EBF1: variants seen among roughly 807,000 people sequenced by gnomAD.
EBF1 encodes transcription factor COE1.
EBF1 carries 10 observed loss-of-function variants against 68.4 expected under a neutral mutation model. The observed-to-expected ratio is 0.15, with a 90% CI of 0.09 to 0.25. EBF1 has a LOEUF of 0.25. Ranked by LOEUF, EBF1 falls within the 10% of genes least tolerant of loss-of-function variation. The probability of loss-of-function intolerance (pLI) is 1.00; values close to 1 mark genes in which losing one functional copy is unlikely to be tolerated. For missense variants in EBF1, 509 were observed against 794.4 expected, an observed-to-expected ratio of 0.64 and a Z score of 4.32; for synonymous variants, 298 against 299.8, an observed-to-expected ratio of 0.99 and a Z score of 0.06.
intron 6 of EBF1, among the ~76,000 whole-genome samples, chr5:159,046,791 T>C (rs1266814263): frequency 6.6e-6 from 1 of 152,156 alleles, no homozygotes; most frequent in Non-Finnish European, 1.5e-5. Flanking sequence ...CTGAGTAAAG[T>C]GGGTGGAGGG....
chr5:158,938,944 CTA>C (rs1240904228), intron 6 of EBF1, among the ~76,000 whole-genome samples: 2 of 152,184 alleles, frequency 1.3e-5, no homozygotes, highest in African/African-American at 2.4e-5. Context: ...CAAGAGACAT[CTA>C]TGACATCCTG....
chr5:158,857,481 A>G (rs184378571), intron 6 of EBF1, among the ~76,000 whole-genome samples: 8 of 152,136 alleles, frequency 5.3e-5, no homozygotes, highest in Admixed American at 5.2e-4. Context: ...ACCAAATTTC[A>G]CTCACATTCC....
chr5:159,077,111 C>T (rs1163693551), intron 5 of EBF1, among the ~76,000 whole-genome samples: 1 of 152,186 alleles, frequency 6.6e-6, no homozygotes, highest in Non-Finnish European at 1.5e-5. Flanking sequence ...TCACTTCATT[C>T]AAGTCTCTGC....
intron 4 of EBF1, among the ~76,000 whole-genome samples, chr5:159,086,874 T>A (rs1369379202): frequency 6.6e-6 from 1 of 152,148 alleles, no homozygotes; most frequent in African/African-American, 2.4e-5. Context: ...TTTGCTGTAT[T>A]CTTAAAAGAC....
intron 6 of EBF1, among the ~76,000 whole-genome samples, chr5:159,062,231 CCA>C (rs1299878621): frequency 2.6e-5 from 4 of 152,192 alleles, no homozygotes; most frequent in Non-Finnish European, 5.9e-5. Flanking sequence ...CCCCCTAAAG[CCA>C]CAAAGATGCA....
At chr5:158,892,584 TCAAAACTTCGTTTCATGCA>T (rs1052480715) in intron 6 of EBF1, among the ~76,000 whole-genome samples, 4 of 152,202 alleles carry the variant, frequency 2.6e-5, no homozygotes, top group Non-Finnish European at 4.4e-5. Context: ...GGGGTCGCAG[TCAAAACTTCGTTTCATGCA>T]CAAAATTATC....
intron 6 of EBF1, among the ~76,000 whole-genome samples, chr5:158,989,194 G>C (rs1254226279): frequency 6.6e-6 from 1 of 152,208 alleles, no homozygotes; most frequent in South Asian, 2.1e-4. Flanking sequence ...GACAGCGACA[G>C]TCTGTACCTC....
At chr5:158,925,404 G>T (rs538256027) in intron 6 of EBF1, among the ~76,000 whole-genome samples, 2 of 152,288 alleles carry the variant, frequency 1.3e-5, no homozygotes, top group Admixed American at 6.5e-5. Context: ...AATGAATGGT[G>T]CATAACTGGA....
chr5:158,849,834 G>C (rs1323717540), intron 6 of EBF1, among the ~76,000 whole-genome samples: 1 of 152,144 alleles, frequency 6.6e-6, no homozygotes, highest in Non-Finnish European at 1.5e-5. Flanking sequence ...ATATCATTCA[G>C]CACAGAACCT....
intron 6 of EBF1, among the ~76,000 whole-genome samples, chr5:158,875,046 C>CACACACACAT (rs1169727482): frequency 8.2e-6 from 1 of 122,440 alleles, no homozygotes. Context: ...CACAAGCACA[C>CACACACACAT]ACACACACAT....
intron 6 of EBF1, among the ~76,000 whole-genome samples, chr5:158,993,445 GA>G (rs1459203841): frequency 6.6e-6 from 1 of 152,110 alleles, no homozygotes; most frequent in African/African-American, 2.4e-5. Flanking sequence ...TATCAAGGGG[GA>G]AAAGTTTCTT....
intron 10 of EBF1, among the ~76,000 whole-genome samples, chr5:158,753,981 A>C (rs1208082833): frequency 6.6e-6 from 1 of 151,524 alleles, no homozygotes; most frequent in Non-Finnish European, 1.5e-5. Flanking sequence ...GTATTTGCTA[A>C]TTTTTTTTCT....
chr5:158,750,326 C>T (rs1268266254), intron 10 of EBF1, among the ~76,000 whole-genome samples: 1 of 152,050 alleles, frequency 6.6e-6, no homozygotes, highest in African/African-American at 2.4e-5. Flanking sequence ...GACAGGGTCC[C>T]TGTCTTTAGT....
At chr5:158,847,978 C>A (rs1291109455) in intron 6 of EBF1, among the ~76,000 whole-genome samples, 1 of 152,172 alleles carries the variant, frequency 6.6e-6, no homozygotes, top group Admixed American at 6.5e-5. Context: ...CAGCGACCCA[C>A]CCCACAAAGC....
chr5:159,096,919 G>T, intron 2 of EBF1, 55 bp downstream of exon 2: 2 of 1,594,024 alleles, frequency 1.3e-6, no homozygotes, highest in Non-Finnish European at 1.7e-6. Flanking sequence ...AAGGCTCCCG[G>T]GCCTGCTCCC....
intron 6 of EBF1, among the ~76,000 whole-genome samples, chr5:158,901,386 G>A (rs1278832449): frequency 6.6e-6 from 1 of 152,212 alleles, no homozygotes; most frequent in African/African-American, 2.4e-5. Context: ...GTCCATGACA[G>A]CAGGGATAGT....
chr5:159,065,502 C>T (rs1776637216), intron 6 of EBF1, among the ~76,000 whole-genome samples: 1 of 152,118 alleles, frequency 6.6e-6, no homozygotes, highest in Non-Finnish European at 1.5e-5. Context: ...GTTATTTCAG[C>T]CTTGAAGATG....
chr5:158,788,177 G>A (rs569207085), intron 9 of EBF1, among the ~76,000 whole-genome samples: 5 of 152,200 alleles, frequency 3.3e-5, no homozygotes, highest in Admixed American at 3.3e-4. Context: ...CCTTAAATCA[G>A]GATAATTAAA....
intron 6 of EBF1, among the ~76,000 whole-genome samples, chr5:159,051,124 C>T (rs1482587904): frequency 1.3e-5 from 2 of 151,994 alleles, no homozygotes; most frequent in African/African-American, 4.8e-5. Flanking sequence ...ACCAAGTAAC[C>T]TATGAAAAAC....
Sources: allele counts gnomAD v4.1 joint callset (sites outside exome capture counted in the v4.1 genomes callset), GRCh38; gene constraint gnomAD v4.1.1; transcripts MANE v1.5; gene names NCBI Gene and HGNC (gene_info 2026-07-23, HGNC 2026-07-21).